The following PPIG variants were observed in gnomAD, a reference collection of about 807,000 sequenced individuals.
The protein encoded by PPIG is peptidyl-prolyl cis-trans isomerase G.
PPIG carries 26 observed loss-of-function variants against 87.9 expected under a neutral mutation model. The ratio of observed to expected loss-of-function variants is 0.30; its 90% CI spans 0.22 to 0.41. The LOEUF (loss-of-function observed/expected upper bound fraction) is 0.41, where lower values mean the gene tolerates loss of function less well. PPIG is among the 10% of genes least tolerant of loss of function. The probability of loss-of-function intolerance (pLI) is 1.00; values close to 1 mark genes in which losing one functional copy is unlikely to be tolerated. For synonymous variants in PPIG, 308 were observed against 276.5 expected (o/e 1.11, Z -1.13); for missense variants, 722 against 879.4 (o/e 0.82, Z 2.26).
chr2:169,595,838 T>C (rs998732180), intron 1 of PPIG, among the ~76,000 whole-genome samples: 3 of 152,108 alleles, frequency 2.0e-5, no homozygotes, highest in African/African-American at 4.8e-5. Context: ...AGTTTCGCTC[T>C]TGTTGCCCAG....
chr2:169,622,024 C>CT (rs1685770901), intron 9 of PPIG, among the ~76,000 whole-genome samples: 2 of 151,944 alleles, frequency 1.3e-5, no homozygotes, highest in African/African-American at 2.4e-5. Context: ...GAGTTGAAGG[C>CT]TATAGCCTGG....
chr2:169,585,199 A>C (rs1316873334), intron 1 of PPIG, among the ~76,000 whole-genome samples: 3 of 151,126 alleles, frequency 2.0e-5, no homozygotes, highest in African/African-American at 4.9e-5. Flanking sequence ...ATTACTCTTT[A>C]GGAGGAAGAT....
At position 169,633,479 on chromosome 2, in the gene PPIG, C is replaced by T. The variant is rs116840325; in HGVS notation, c.1017+232C>T. 2.3e-3 allele frequency: 1,276 copies of T among 544,542 alleles called. 1 individual carries two copies. Among genetic ancestry groups the T allele is most frequent in the Non-Finnish European group, 3.6e-3 (1,127 of 315,440 alleles). The allele number at this position is 544,542 out of a possible 1,614,324, so 33.7% of individuals were successfully genotyped here. On this transcript the variant is annotated intron_variant, in intron 12 of 13. Transcript: ENST00000260970. ...ACATTTACATGGTATAAAATGGGATCGAGGTCTTTCTTGTCTCCCGTGTTT... is the reference window on the plus strand; with the variant it reads ...ACATTTACATGGTATAAAATGGGATTGAGGTCTTTCTTGTCTCCCGTGTTT...
At chr2:169,584,833 C>T (rs1164091650) in intron 1 of PPIG, 1 of 294,120 alleles carries the variant, frequency 3.4e-6, no homozygotes, top group Non-Finnish European at 6.6e-6. Context: ...GCGACTGCGG[C>T]CTGAACTCTA....
chr2:169,599,414 T>A (rs1033779579), intron 1 of PPIG, among the ~76,000 whole-genome samples: 2 of 152,154 alleles, frequency 1.3e-5, no homozygotes, highest in Admixed American at 1.3e-4. Context: ...CACAAACTAA[T>A]TTACTTAACT....
intron 4 of PPIG, among the ~76,000 whole-genome samples, chr2:169,605,520 G>GC (rs199693361): frequency 0.034 from 5,169 of 151,818 alleles, 284 homozygotes; most frequent in African/African-American, 0.12. Context: ...AAAAATAGAG[G>GC]CCAAGTGTGG....
chr2:169,594,257 AAATTCCTGTTTC>A (rs1392693677), intron 1 of PPIG, among the ~76,000 whole-genome samples: 61 of 152,088 alleles, frequency 4.0e-4, no homozygotes, highest in Admixed American at 3.0e-3. Context: ...GTAGTAGTAT[AAATTCCTGTTTC>A]CATTTGTACA....
rs1005948359 is a variant in PPIG, at chr2:169,608,997, T to G, written c.377+239T>G. Among the ~76,000 whole-genome samples the G allele has an allele frequency of 7.5e-5, 11 of 146,642 alleles. No individual in the cohort carries two copies. In the East Asian group the frequency reaches 2.2e-3, roughly 30 times the overall value. ...TACTTGGGAGGCTGAAGCAGGAGAATGGCGTGAACCCGGGAGGGGGAGCTT... is the reference window on the plus strand; with the variant it reads ...TACTTGGGAGGCTGAAGCAGGAGAAGGGCGTGAACCCGGGAGGGGGAGCTT... On this transcript the variant is annotated intron_variant, in intron 7 of 13. Transcript: ENST00000260970.
rs1228181813 is a variant in PPIG, at chr2:169,639,347, ATTG to A, written c.*1830_*1832del. The A allele has an allele frequency of 2.0e-5, 3 of 152,092 alleles. No homozygotes were observed. The highest frequency in any genetic ancestry group is 7.2e-5 in the African/African-American group (3 of 41,446). 9.4% of individuals were successfully genotyped at this position (152,092 alleles called of 1,614,324 possible). The stretch of plus-strand genomic sequence containing the variant: ...TAATTTCAGTTAACTGCATTTTAAA[ATTG>A]TTGTTATAAACTATTTGAGCTTTAA... On this transcript the variant is annotated 3_prime_UTR_variant, in exon 14 of 14. Transcript: ENST00000260970.
intron 9 of PPIG, among the ~76,000 whole-genome samples, chr2:169,615,014 C>G (rs1345068324): frequency 6.6e-6 from 1 of 151,492 alleles, no homozygotes; most frequent in Non-Finnish European, 1.5e-5. Context: ...GAGAAGAACA[C>G]TTAAAATCTT....
At position 169,638,079 on chromosome 2, in the gene PPIG, A is replaced by C. The variant is rs1207466503; in HGVS notation, c.*556A>C. 8 of 152,138 alleles carry C rather than the reference A, an allele frequency of 5.3e-5. No individual in the cohort carries two copies. Among genetic ancestry groups the C allele is most frequent in the Admixed American group, 5.2e-4 (8 of 15,254 alleles). 9.4% of individuals were successfully genotyped at this position (152,138 alleles called of 1,614,324 possible). On this transcript the variant is annotated 3_prime_UTR_variant, in exon 14 of 14. Coordinates refer to ENST00000260970, the MANE Select transcript of PPIG (RefSeq NM_004792.3). ...AATAGATGTATTTATATTGCACTTC[A>C]TACTCTATTCTTTATAGTTCGAGCC...
chr2:169,602,204 T>A (rs1393862718), intron 1 of PPIG, among the ~76,000 whole-genome samples: 1 of 142,762 alleles, frequency 7.0e-6, no homozygotes, highest in Non-Finnish European at 1.5e-5. Flanking sequence ...ATCTCGTGTA[T>A]GATAATATTC....
intron 4 of PPIG, 52 bp from the exon 5 acceptor site, chr2:169,605,987 A>G (rs1685314856): frequency 1.5e-6 from 2 of 1,335,868 alleles, no homozygotes; most frequent in Non-Finnish European, 1.1e-6. Flanking sequence ...TTTTGCTTTC[A>G]TACTACTTTG....
chr2:169,617,359 A>G (rs1165744220), intron 9 of PPIG, among the ~76,000 whole-genome samples: 2 of 152,158 alleles, frequency 1.3e-5, no homozygotes, highest in Non-Finnish European at 2.9e-5. Context: ...TTTTGGTTCC[A>G]TATGAAATTT....
intron 1 of PPIG, among the ~76,000 whole-genome samples, chr2:169,596,862 C>T (rs956247834): frequency 1.3e-5 from 2 of 152,170 alleles, no homozygotes; most frequent in Admixed American, 6.5e-5. Context: ...CCATTACGCT[C>T]AGCTCACTTT....
intron 1 of PPIG, among the ~76,000 whole-genome samples, chr2:169,600,615 A>G (rs986932424): frequency 7.9e-5 from 12 of 152,212 alleles, no homozygotes; most frequent in Admixed American, 4.6e-4. Flanking sequence ...ATGCTCAATC[A>G]TGATGTAGTA....
At chr2:169,613,881 G>T (rs1685550405) in intron 7 of PPIG, among the ~76,000 whole-genome samples, 1 of 152,186 alleles carries the variant, frequency 6.6e-6, no homozygotes, top group Non-Finnish European at 1.5e-5. Flanking sequence ...AACCAAGGTT[G>T]TGCCAGTGCA....
Position 169,614,704 on chromosome 2 carries a change from A to G in PPIG, c.527A>G (p.Glu176Gly). ...GAGGTACGGATACTCAGTTGTGGAGAGCTGATTCCCAAATCTAAAGGTAAA... is the reference window on the plus strand; with the variant it reads ...GAGGTACGGATACTCAGTTGTGGAGGGCTGATTCCCAAATCTAAAGGTAAA... ...FAEVRILSCG[E>G]LIPKSKVKKE... The change falls in exon 9 of 14, where the codon GAG (glutamate) becomes GGG (glycine). Residue 176 changes from glutamate (E) to glycine (G), a missense_variant. Transcript: ENST00000260970. The G allele has an allele frequency of 6.2e-7, 1 of 1,600,660 alleles. No individual in the cohort carries two copies. Among genetic ancestry groups the G allele is most frequent in the Non-Finnish European group, 8.5e-7 (1 of 1,177,176 alleles).
chr2:169,592,391 G>A (rs1684893528), intron 1 of PPIG, among the ~76,000 whole-genome samples: 2 of 136,082 alleles, frequency 1.5e-5, no homozygotes, highest in Admixed American at 1.7e-4. Context: ...TGCAAGCTCC[G>A]CCTCCCGGGT....
Sources: allele counts gnomAD v4.1 joint callset (sites outside exome capture counted in the v4.1 genomes callset), GRCh38; gene constraint gnomAD v4.1.1; transcripts MANE v1.5; gene names NCBI Gene and HGNC (gene_info 2026-07-23, HGNC 2026-07-21).